The following ARHGAP17 variants were observed in gnomAD, a reference collection of about 807,000 sequenced individuals.
ARHGAP17 encodes the protein rho GTPase-activating protein 17.
A neutral mutation model predicts 99.5 loss-of-function variants in ARHGAP17; 57 were observed. The ratio of observed to expected loss-of-function variants is 0.57; its 90% CI spans 0.46 to 0.71. ARHGAP17 has a LOEUF of 0.71. ARHGAP17 is among the 30% of genes least tolerant of loss of function. ARHGAP17 has a pLI of 0.00. For synonymous variants in ARHGAP17, 417 were observed against 429.6 expected, an observed-to-expected ratio of 0.97 and a Z score of 0.36; for missense variants, 1,000 against 1,122.4, an observed-to-expected ratio of 0.89 and a Z score of 1.56.
Position 24,922,624 on chromosome 16 carries a change from T to C in ARHGAP17, c.2516-2364A>G, listed in dbSNP as rs556189162. ...AAAAGTAGAAAGAATTACGGCAACCTGTACAGAACCAGTTTTCAGAAAGAG... is the reference window on the plus strand; with the variant it reads ...AAAAGTAGAAAGAATTACGGCAACCCGTACAGAACCAGTTTTCAGAAAGAG... On this transcript the variant is annotated intron_variant, in intron 19 of 19. Coordinates refer to ENST00000289968, the MANE Select transcript of ARHGAP17 (RefSeq NM_001006634.3). Among the ~76,000 whole-genome samples the C allele has an allele frequency of 6.6e-5, 10 of 152,248 alleles. No homozygotes were observed. The South Asian group carries it at 1.9e-3, about 28-fold the overall frequency.
intron 1 of ARHGAP17, among the ~76,000 whole-genome samples, chr16:24,989,269 A>G (rs937265178): frequency 1.3e-5 from 2 of 152,194 alleles, no homozygotes; most frequent in African/African-American, 4.8e-5. Context: ...AGGTCAGCAC[A>G]TTTGGACTTT....
intron 3 of ARHGAP17, among the ~76,000 whole-genome samples, chr16:24,976,942 A>G (rs1420477258): frequency 6.6e-6 from 1 of 152,238 alleles, no homozygotes; most frequent in Non-Finnish European, 1.5e-5. Flanking sequence ...CAAAAGATGC[A>G]TAACCGACAC....
chr16:24,921,627 T>C (rs1394593537), intron 19 of ARHGAP17, among the ~76,000 whole-genome samples: 1 of 152,188 alleles, frequency 6.6e-6, no homozygotes, highest in East Asian at 1.9e-4. Flanking sequence ...GTCCCTACAG[T>C]TCTGAGCTGT....
At chr16:24,965,826 AAT>A (rs1180270770) in intron 6 of ARHGAP17, among the ~76,000 whole-genome samples, 2 of 152,242 alleles carry the variant, frequency 1.3e-5, no homozygotes, top group African/African-American at 2.4e-5. Flanking sequence ...AAGCGAGAAA[AAT>A]ATGTGTGCAT....
At chr16:24,937,111 T>G in intron 17 of ARHGAP17, among the ~76,000 whole-genome samples, 1 of 143,272 alleles carries the variant, frequency 7.0e-6, no homozygotes, top group African/African-American at 2.9e-5. Flanking sequence ...AGCAAGACCC[T>G]GTCTGAAAAA....
chr16:24,954,553 C>G (rs1396030680), intron 10 of ARHGAP17, 50 bp downstream of exon 10: 4 of 1,582,418 alleles, frequency 2.5e-6, no homozygotes, highest in Non-Finnish European at 3.4e-6. Flanking sequence ...GCTCTGGGTA[C>G]AACAAGGGGC....
chr16:24,947,112 T>C (rs1204824886), intron 14 of ARHGAP17, among the ~76,000 whole-genome samples: 1 of 152,222 alleles, frequency 6.6e-6, no homozygotes, highest in Non-Finnish European at 1.5e-5. Flanking sequence ...CTTATGTCCA[T>C]TTAGTTCTCA....
intron 1 of ARHGAP17, among the ~76,000 whole-genome samples, chr16:25,001,196 T>C (rs1423933853): frequency 6.6e-6 from 1 of 152,174 alleles, no homozygotes; most frequent in East Asian, 1.9e-4. Context: ...GATAATATTA[T>C]GTACCTAAAA....
rs139467704 is a variant in ARHGAP17 at position 24,954,720 on chromosome 16, C to T, written c.735G>A (p.Ala245=). The change falls in exon 10 of 20, where the codon GCG becomes GCA. Residue 245 remains alanine, a synonymous_variant. Transcript: ENST00000289968. The stretch of plus-strand genomic sequence containing the variant: ...GGGGAGTCCCAAAGGCTGGTTTTTC[C>T]GCCCACTTATCTAGAGCAGCAAATT... ...PEMRAHQDKW[A]EKPAFGTPLE... 56 of 1,613,862 alleles carry T rather than the reference C, an allele frequency of 3.5e-5. No homozygotes were observed. In the East Asian group the frequency reaches 5.8e-4, roughly 17 times the overall value.
intron 2 of ARHGAP17, 180 bp from the exon 3 acceptor site, chr16:24,977,499 G>A (rs988079344): frequency 2.4e-6 from 1 of 425,050 alleles, no homozygotes; most frequent in Non-Finnish European, 4.2e-6. Flanking sequence ...AAAAGCACCA[G>A]GTTGGACCAG....
chr16:24,998,643 A>G (rs1243334617), intron 1 of ARHGAP17, among the ~76,000 whole-genome samples: 3 of 152,226 alleles, frequency 2.0e-5, no homozygotes, highest in African/African-American at 4.8e-5. Flanking sequence ...GCTGGACGGC[A>G]GCATTCATTC....
At chr16:24,960,997 T>A (rs932304172) in intron 7 of ARHGAP17, among the ~76,000 whole-genome samples, 2 of 152,000 alleles carry the variant, frequency 1.3e-5, no homozygotes, top group African/African-American at 2.4e-5. Context: ...TCAGCCACCC[T>A]AGTAGCTGGG....
rs143800645 is a variant in ARHGAP17, at chr16:25,004,819, G to A, written c.53+10390C>T. Among the ~76,000 whole-genome samples, 182 of 152,316 alleles carry A rather than the reference G, an allele frequency of 1.2e-3. No homozygotes were observed. The South Asian group carries it at 0.028, about 23-fold the overall frequency. On this transcript the variant is annotated intron_variant, in intron 1 of 19. Transcript: ENST00000289968. ...AAGGAGAGGAAGAGAGAAACATCTT[G>A]GGATAATCAAAAGGAAGTAGCCAAT... is the stretch of plus-strand genomic sequence containing the variant.
chr16:24,961,454 C>T (rs2051995457), intron 7 of ARHGAP17, among the ~76,000 whole-genome samples: 1 of 146,602 alleles, frequency 6.8e-6, no homozygotes, highest in Admixed American at 6.9e-5. Flanking sequence ...TGCTTGGAGC[C>T]AGGAATTTGA....
intron 14 of ARHGAP17, 55 bp downstream of exon 14, chr16:24,947,427 C>T: frequency 1.4e-6 from 2 of 1,392,810 alleles, no homozygotes; most frequent in Non-Finnish European, 2.0e-6. Flanking sequence ...CATTTCTATG[C>T]ATCCCATCAG....
Sources: allele counts gnomAD v4.1 joint callset (sites outside exome capture counted in the v4.1 genomes callset), GRCh38; gene constraint gnomAD v4.1.1; transcripts MANE v1.5; gene names NCBI Gene and HGNC (gene_info 2026-07-23, HGNC 2026-07-21).